Variants in PHYHIPL observed in about 807,000 individuals in gnomAD.
PHYHIPL encodes the protein phytanoyl-CoA 2-hydroxylase interacting protein like, also known as phytanoyl-CoA hydroxylase-interacting protein-like.
In PHYHIPL, 9 loss-of-function variants were observed where a neutral mutation model predicts 33.4. The observed-to-expected ratio is 0.27, with a 90% confidence interval of 0.16 to 0.47. PHYHIPL has a LOEUF of 0.47. Ranked by LOEUF, PHYHIPL falls within the 20% of genes least tolerant of loss-of-function variation. The probability of loss-of-function intolerance (pLI) is 0.99; values close to 1 mark genes in which losing one functional copy is unlikely to be tolerated. For missense variants in PHYHIPL, 365 were observed against 460.7 expected (o/e 0.79, Z 1.90); for synonymous variants, 153 against 154.1 (o/e 0.99, Z 0.05).
chr10:59,202,404 C>G (rs1312510651), intron 1 of PHYHIPL, among the ~76,000 whole-genome samples: 1 of 151,774 alleles, frequency 6.6e-6, no homozygotes, highest in Non-Finnish European at 1.5e-5. Context: ...CATGATTAGC[C>G]AAGGAAAAAT....
intron 1 of PHYHIPL, among the ~76,000 whole-genome samples, chr10:59,200,486 G>A (rs568296081): frequency 2.6e-5 from 4 of 152,056 alleles, no homozygotes; most frequent in South Asian, 2.1e-4. Flanking sequence ...TTTTTGCATC[G>A]ACGTTCATCA....
intron 3 of PHYHIPL, among the ~76,000 whole-genome samples, chr10:59,238,334 A>G (rs746525399): frequency 2.0e-5 from 3 of 151,978 alleles, no homozygotes; most frequent in Non-Finnish European, 4.4e-5. Flanking sequence ...TTGTTTCAGT[A>G]TCTCTAATTT....
At chr10:59,190,272 T>G (rs990688766) in intron 1 of PHYHIPL, among the ~76,000 whole-genome samples, 4 of 151,974 alleles carry the variant, frequency 2.6e-5, no homozygotes, top group African/African-American at 9.6e-5. Flanking sequence ...AAATAAGTGG[T>G]GGCAAATTGT....
intron 1 of PHYHIPL, among the ~76,000 whole-genome samples, chr10:59,214,214 A>C (rs1839544784): frequency 6.6e-6 from 1 of 152,154 alleles, no homozygotes; most frequent in Non-Finnish European, 1.5e-5. Context: ...CTAAAAATAT[A>C]TATGCTTAGA....
chr10:59,209,043 G>C (rs1008990694), intron 1 of PHYHIPL, among the ~76,000 whole-genome samples: 38 of 152,034 alleles, frequency 2.5e-4, no homozygotes, highest in Non-Finnish European at 1.9e-4. Flanking sequence ...ATCTAGCAAG[G>C]CAGGCCAATA....
Position 59,245,603 on chromosome 10 carries a change from C to CTT in PHYHIPL, c.*13_*14dup. 1 of 1,568,862 alleles carries CTT rather than the reference C, an allele frequency of 6.4e-7. No homozygotes were observed. Among genetic ancestry groups the CTT allele is most frequent in the Non-Finnish European group, 8.6e-7 (1 of 1,161,050 alleles). ...GTGTTGGACGTTAATGCCCACTTTT[C>CTT]TTATTCTTACTCAGCCCCTTTTCCT... On this transcript the variant is annotated 3_prime_UTR_variant, in exon 5 of 5. Transcript: ENST00000373880.
intron 1 of PHYHIPL, among the ~76,000 whole-genome samples, chr10:59,233,818 C>T (rs796697546): frequency 1.3e-4 from 20 of 151,814 alleles, no homozygotes; most frequent in Middle Eastern, 6.8e-3. Flanking sequence ...TGTAAGTGAA[C>T]GGTCTTCAGT....
rs562128617 is a variant in PHYHIPL at position 59,245,804 on chromosome 10, CTAAGT to C, written c.*220_*224del. On this transcript the variant is annotated 3_prime_UTR_variant, in exon 5 of 5. Coordinates refer to ENST00000373880, the MANE Select transcript of PHYHIPL (RefSeq NM_032439.4). ...CCACTACTTTCAATGATGAAATACC[CTAAGT>C]TAAGTTCTCCTTTTGACACTTTATT... 3.7e-4 allele frequency: 198 copies of C among 529,688 alleles called. No individual in the cohort carries two copies. The highest frequency in any genetic ancestry group is 3.2e-3 in the African/African-American group (169 of 52,452). The allele number at this position is 529,688 out of a possible 1,614,324, so 32.8% of individuals were successfully genotyped here.
intron 1 of PHYHIPL, among the ~76,000 whole-genome samples, chr10:59,187,975 C>A (rs1346910629): frequency 1.3e-5 from 2 of 152,114 alleles, no homozygotes; most frequent in Non-Finnish European, 2.9e-5. Context: ...TTCAGTTCTG[C>A]TCTGATCTTA....
intron 4 of PHYHIPL, among the ~76,000 whole-genome samples, chr10:59,242,038 T>G (rs908695981): frequency 4.6e-5 from 7 of 152,192 alleles, no homozygotes; most frequent in African/African-American, 1.7e-4. Context: ...TAGTCCCTCA[T>G]GTACCAGCCA....
At chr10:59,177,004 G>T in intron 1 of PHYHIPL, 45 bp downstream of exon 1, 1 of 1,558,024 alleles carries the variant, frequency 6.4e-7, no homozygotes, top group Non-Finnish European at 8.8e-7. Context: ...AGTTCGCGCC[G>T]AGGCGCCGGG....
chr10:59,199,713 G>C (rs539478648), intron 1 of PHYHIPL, among the ~76,000 whole-genome samples: 1 of 152,100 alleles, frequency 6.6e-6, no homozygotes, highest in Non-Finnish European at 1.5e-5. Context: ...CCGTTTGTTT[G>C]TATCCTCTTT....
chr10:59,213,288 TTACTC>T (rs946791315), intron 1 of PHYHIPL, among the ~76,000 whole-genome samples: 10 of 152,136 alleles, frequency 6.6e-5, no homozygotes, highest in African/African-American at 2.4e-4. Flanking sequence ...TGTTAAGTAT[TTACTC>T]TAATATAAAC....
chr10:59,195,553 A>T (rs893002569), intron 1 of PHYHIPL, among the ~76,000 whole-genome samples: 1 of 152,086 alleles, frequency 6.6e-6, no homozygotes, highest in African/African-American at 2.4e-5. Flanking sequence ...AGAGATAAGG[A>T]TATTCTTTTC....
At chr10:59,182,577 G>A (rs1048400675) in intron 1 of PHYHIPL, among the ~76,000 whole-genome samples, 21 of 152,102 alleles carry the variant, frequency 1.4e-4, no homozygotes, top group African/African-American at 4.6e-4. Context: ...TCCCGACCTC[G>A]TGATCTGCCC....
In PHYHIPL at chr10:59,177,272, G is replaced by T. The variant is rs1050446979; in HGVS notation, c.106+313G>T. 4.9e-6 allele frequency: 3 copies of T among 606,090 alleles called. No homozygotes were observed. The African/African-American group carries it at 5.7e-5, about 11-fold the overall frequency. The allele number at this position is 606,090 out of a possible 1,614,324, so 37.5% of individuals were successfully genotyped here. ...GCTCCTGCCCCGACGAGGCGTTTCC[G>T]ATCTTTGCCGCAGTCCGGATTTCCT... is the stretch of plus-strand genomic sequence containing the variant. On this transcript the variant is annotated intron_variant, in intron 1 of 4. Transcript: ENST00000373880.
intron 1 of PHYHIPL, among the ~76,000 whole-genome samples, chr10:59,194,459 A>G (rs1838857992): frequency 6.6e-6 from 1 of 152,198 alleles, no homozygotes; most frequent in Non-Finnish European, 1.5e-5. Context: ...AATTTTAAAT[A>G]TATTTCCCTG....
chr10:59,188,349 G>C (rs76289459), intron 1 of PHYHIPL, among the ~76,000 whole-genome samples: 3 of 152,122 alleles, frequency 2.0e-5, no homozygotes, highest in African/African-American at 7.2e-5. Flanking sequence ...TATAATTTCT[G>C]TTCTTTTACA....
intron 1 of PHYHIPL, among the ~76,000 whole-genome samples, chr10:59,184,863 T>C (rs1838527051): frequency 6.8e-6 from 1 of 146,432 alleles, no homozygotes; most frequent in African/African-American, 2.5e-5. Flanking sequence ...TGTGTTCTCA[T>C]GGTTTAATTG....
Sources: allele counts gnomAD v4.1 joint callset (sites outside exome capture counted in the v4.1 genomes callset), GRCh38; gene constraint gnomAD v4.1.1; transcripts MANE v1.5; gene names NCBI Gene and HGNC (gene_info 2026-07-23, HGNC 2026-07-21).